PLA2R1: variants seen among roughly 807,000 people sequenced by gnomAD.
PLA2R1 encodes the protein secretory phospholipase A2 receptor.
PLA2R1 carries 158 observed loss-of-function variants against 195.9 expected under a neutral mutation model. The ratio of observed to expected loss-of-function variants is 0.81; its 90% confidence interval spans 0.71 to 0.92. The LOEUF is 0.92. Ranked by LOEUF, PLA2R1 falls within the 40% of genes least tolerant of loss-of-function variation. The pLI, the probability that PLA2R1 is intolerant of heterozygous loss-of-function variation, is 0.00. For missense variants in PLA2R1, 1,626 were observed against 1,764.6 expected (o/e 0.92, Z 1.41); for synonymous variants, 586 against 598.2 (o/e 0.98, Z 0.30).
At chr2:160,002,499 CA>C (rs1691671056) in intron 11 of PLA2R1, among the ~76,000 whole-genome samples, 1 of 151,890 alleles carries the variant, frequency 6.6e-6, no homozygotes, top group African/African-American at 2.4e-5. Flanking sequence ...AAGCTGTATA[CA>C]AATGAAGAAA....
intron 24 of PLA2R1, among the ~76,000 whole-genome samples, chr2:159,950,711 A>T (rs1687678606): frequency 6.6e-6 from 1 of 152,198 alleles, no homozygotes; most frequent in South Asian, 2.1e-4. Flanking sequence ...CATTACATGA[A>T]TATGTATGTG....
At chr2:160,009,602 T>C (rs188623794) in intron 10 of PLA2R1, among the ~76,000 whole-genome samples, 2 of 152,240 alleles carry the variant, frequency 1.3e-5, no homozygotes, top group East Asian at 3.9e-4. Flanking sequence ...GTTCTGGAGA[T>C]GGATGATGGT....
intron 9 of PLA2R1, among the ~76,000 whole-genome samples, chr2:160,013,707 C>CTGTGTGTGTGTG: frequency 2.2e-5 from 1 of 46,030 alleles, no homozygotes; most frequent in African/African-American, 6.1e-5. Context: ...CTCTCTGTCT[C>CTGTGTGTGTGTG]TCTCTCTCTC....
Position 160,013,263 on chromosome 2 carries a change from C to T in PLA2R1, c.1664G>A (p.Arg555Lys), listed in dbSNP as rs368913848. Residue 555 changes from arginine (R) to lysine (K), a missense_variant and splice_region_variant, in exon 10 of 30, where the codon AGG becomes AAG. Transcript: ENST00000283243. ...CPPALVTITNRFEQAFITSLI... is the reference protein window; with the variant it reads ...CPPALVTITNKFEQAFITSLI... ...TTCTGTTAAAAAAAGTTTAATTTAC[C>T]TGTTTGTAATGGTTACAAGTGCAGG... is the stretch of plus-strand genomic sequence containing the variant. The T allele has an allele frequency of 5.2e-6, 8 of 1,527,810 alleles. No homozygotes were observed. The highest frequency in any genetic ancestry group is 7.2e-6 in the Non-Finnish European group (8 of 1,104,500). 94.6% of individuals were successfully genotyped at this position (1,527,810 alleles called of 1,614,324 possible). A position where few individuals can be genotyped will look rare whatever the true frequency, so the allele number is the denominator to read the frequency against.
At chr2:160,053,348 TGGG>T (rs5835790) in intron 1 of PLA2R1, among the ~76,000 whole-genome samples, 35 of 139,620 alleles carry the variant, frequency 2.5e-4, no homozygotes, top group East Asian at 4.3e-4. Flanking sequence ...ACGAATTTGG[TGGG>T]GGGGGGGGGA....
chr2:160,002,480 A>G (rs1478986004), intron 11 of PLA2R1, among the ~76,000 whole-genome samples: 1 of 152,052 alleles, frequency 6.6e-6, no homozygotes, highest in African/African-American at 2.4e-5. Context: ...TAGCATAATC[A>G]TGAAACCAAA....
intron 11 of PLA2R1, among the ~76,000 whole-genome samples, chr2:159,988,140 A>G (rs1288198314): frequency 1.6e-5 from 2 of 121,606 alleles, no homozygotes; most frequent in African/African-American, 6.8e-5. Context: ...CAAAATCTAT[A>G]CAACTCATAT....
rs1330680214 is a variant in PLA2R1 at position 159,976,098 on chromosome 2, C to T, written c.2565G>A (p.Glu855=). The T allele has an allele frequency of 1.9e-6, 3 of 1,612,706 alleles. No individual in the cohort carries two copies. The highest frequency in any genetic ancestry group is 1.7e-6 in the Non-Finnish European group (2 of 1,179,412). The change falls in exon 17 of 30, where the codon GAG becomes GAA. Residue 855 remains glutamate (E), a synonymous_variant. Transcript: ENST00000283243. The part of the protein sequence containing the change: ...SDLLTIHSAH[E]QEFIHSKIKA... ...TTATTTTGCTGTGGATGAATTCTTG[C>T]TCATGTGCAGAATGAATTGTGAGAA...
At chr2:160,014,094 G>A (rs74539972) in intron 9 of PLA2R1, among the ~76,000 whole-genome samples, 4,479 of 152,156 alleles carry the variant, frequency 0.029, 231 homozygotes, top group African/African-American at 0.1. Flanking sequence ...GATTCATTGA[G>A]ATTAGGGACT....
intron 3 of PLA2R1, among the ~76,000 whole-genome samples, chr2:160,041,726 C>T (rs1264757822): frequency 2.0e-5 from 3 of 152,312 alleles, no homozygotes; most frequent in Admixed American, 2.0e-4. Context: ...AGCCAAGAAG[C>T]TGGGATCAAT....
At chr2:159,949,398 G>A (rs1306151367) in intron 25 of PLA2R1, among the ~76,000 whole-genome samples, 2 of 152,036 alleles carry the variant, frequency 1.3e-5, no homozygotes, top group Non-Finnish European at 2.9e-5. Flanking sequence ...TGAATACAAT[G>A]CATTCTTTTT....
chr2:159,952,876 G>A (rs1291766677), intron 23 of PLA2R1, among the ~76,000 whole-genome samples: 4 of 152,132 alleles, frequency 2.6e-5, no homozygotes. Flanking sequence ...TACAGCAGCT[G>A]TACATATGGA....
At chr2:160,047,472 A>G (rs1694941407) in intron 1 of PLA2R1, among the ~76,000 whole-genome samples, 1 of 152,230 alleles carries the variant, frequency 6.6e-6, no homozygotes, top group Non-Finnish European at 1.5e-5. Flanking sequence ...CACTGTTAGC[A>G]CAAAAGCTTA....
downstream of PLA2R1, among the ~76,000 whole-genome samples, chr2:159,930,150 G>T (rs956848802): frequency 1.3e-5 from 2 of 151,944 alleles, no homozygotes; most frequent in East Asian, 1.9e-4. Flanking sequence ...GGCTCACGCC[G>T]GTAATCCCAG....
chr2:159,960,803 A>C (rs1688388569), intron 20 of PLA2R1, among the ~76,000 whole-genome samples: 1 of 152,178 alleles, frequency 6.6e-6, no homozygotes, highest in Non-Finnish European at 1.5e-5. Flanking sequence ...CAGTTTTAAA[A>C]CCCACTTAAT....
intron 20 of PLA2R1, among the ~76,000 whole-genome samples, chr2:159,960,428 G>A (rs148680186): frequency 7.6e-4 from 116 of 152,150 alleles, no homozygotes; most frequent in African/African-American, 2.7e-3. Context: ...TCCCGACATC[G>A]AGATAGTAAA....
chr2:159,924,738 G>GC, the PLA2R1 span, among the ~76,000 whole-genome samples: 1 of 142,060 alleles, frequency 7.0e-6, no homozygotes, highest in Admixed American at 7.2e-5. Context: ...CTGGGGGGGG[G>GC]GCGGTGCGAA....
intron 20 of PLA2R1, among the ~76,000 whole-genome samples, chr2:159,961,786 ACTGTGT>A (rs1688465106): frequency 6.6e-6 from 1 of 152,188 alleles, no homozygotes; most frequent in Non-Finnish European, 1.5e-5. Flanking sequence ...ATGGAGGTGA[ACTGTGT>A]GGGTAAAAAT....
intron 13 of PLA2R1, among the ~76,000 whole-genome samples, chr2:159,981,625 T>C (rs1265970907): frequency 6.6e-6 from 1 of 152,080 alleles, no homozygotes; most frequent in Non-Finnish European, 1.5e-5. Flanking sequence ...CCCAGGCTGT[T>C]CTCTAACTCC....
Sources: allele counts gnomAD v4.1 joint callset (sites outside exome capture counted in the v4.1 genomes callset), GRCh38; gene constraint gnomAD v4.1.1; transcripts MANE v1.5; gene names NCBI Gene and HGNC (gene_info 2026-07-23, HGNC 2026-07-21).